HRH1: variants seen among roughly 807,000 people sequenced by gnomAD.
The protein encoded by HRH1 is histamine H1 receptor.
In HRH1, 6 loss-of-function variants were observed where a neutral mutation model predicts 10.3. That is an observed-to-expected ratio of 0.58 (90% CI 0.32 to 1.15). The LOEUF is 1.15. Among genes scored for constraint, HRH1 ranks in the 50% most tolerant of loss-of-function variants. HRH1 has a pLI of 0.05. For synonymous variants in HRH1, 242 were observed against 236.7 expected (o/e 1.02, Z -0.21); for missense variants, 514 against 615.3 (o/e 0.84, Z 1.74).
chr3:11,245,346 T>G (rs1285868938), intron 1 of HRH1, among the ~76,000 whole-genome samples: 2 of 53,116 alleles, frequency 3.8e-5, no homozygotes, highest in East Asian at 2.8e-3. Context: ...GAACGAGACT[T>G]CATCTAAAAA....
At chr3:11,206,701 C>T (rs1449826492) in intron 1 of HRH1, among the ~76,000 whole-genome samples, 1 of 152,208 alleles carries the variant, frequency 6.6e-6, no homozygotes, top group East Asian at 1.9e-4. Flanking sequence ...GCAAGGGGTG[C>T]CCCCGGAAGT....
At chr3:11,243,356 G>A (rs1476450885) in intron 1 of HRH1, among the ~76,000 whole-genome samples, 2 of 152,198 alleles carry the variant, frequency 1.3e-5, no homozygotes, top group Non-Finnish European at 2.9e-5. Flanking sequence ...TCCCCATGGT[G>A]TTGCACTTCA....
chr3:11,142,866 A>T (rs1936319185), intron 1 of HRH1, among the ~76,000 whole-genome samples: 1 of 152,044 alleles, frequency 6.6e-6, no homozygotes, highest in South Asian at 2.1e-4. Flanking sequence ...GTGTGCCAAG[A>T]TCACGCCACT....
At chr3:11,160,754 G>A (rs1236712404) in intron 1 of HRH1, among the ~76,000 whole-genome samples, 1 of 152,178 alleles carries the variant, frequency 6.6e-6, no homozygotes, top group African/African-American at 2.4e-5. Flanking sequence ...TGGAAACCCA[G>A]TCATTGACAG....
Position 11,198,862 on chromosome 3 carries a change from C to T in HRH1, c.-36+44308C>T, listed in dbSNP as rs528430765. ...CTTCATAGATGTGAACTTTTTTGAA[C>T]CCCACACCACCCTGTGTATTGTAAA... is the stretch of plus-strand genomic sequence containing the variant. On this transcript the variant is annotated intron_variant, in intron 1 of 1. Coordinates refer to ENST00000431010, the MANE Select transcript of HRH1 (RefSeq NM_001098212.2). Among the ~76,000 whole-genome samples, 12 of 151,438 alleles carry T rather than the reference C, an allele frequency of 7.9e-5. No individual in the cohort carries two copies. The East Asian group carries it at 2.1e-3, about 27-fold the overall frequency.
intron 1 of HRH1, among the ~76,000 whole-genome samples, chr3:11,148,810 CTTTTTTTTTTTT>C (rs755029776): frequency 1.2e-5 from 1 of 84,418 alleles, no homozygotes; most frequent in Admixed American, 1.3e-4. Flanking sequence ...AAACCACAGT[CTTTTTTTTTTTT>C]TTTTTTTTTT....
chr3:11,191,279 A>G (rs1937525631), intron 1 of HRH1, among the ~76,000 whole-genome samples: 1 of 152,176 alleles, frequency 6.6e-6, no homozygotes, highest in African/African-American at 2.4e-5. Flanking sequence ...ACCTGCAGTG[A>G]ACAGAAGTGG....
intron 1 of HRH1, among the ~76,000 whole-genome samples, chr3:11,177,991 C>A (rs1049183597): frequency 1.3e-5 from 2 of 152,184 alleles, no homozygotes; most frequent in Non-Finnish European, 2.9e-5. Flanking sequence ...AACATGCATG[C>A]AGCCTGCCAT....
In HRH1 at chr3:11,227,180, A is replaced by G. The variant is rs1025635104; in HGVS notation, c.-35-31823A>G. ...ACAGGGGTGACCCCACATGGACATC[A>G]TCTCTGCTCTTCAGTCACCTGTAGT... On this transcript the variant is annotated intron_variant, in intron 1 of 1. Transcript: ENST00000431010. 2.0e-4 allele frequency among the ~76,000 whole-genome samples: 31 copies of G among 152,248 alleles called. 1 individual carries two copies. The highest frequency in any genetic ancestry group is 6.3e-4 in the African/African-American group (26 of 41,542).
At chr3:11,238,214 A>G (rs1204664954) in intron 1 of HRH1, among the ~76,000 whole-genome samples, 9 of 152,204 alleles carry the variant, frequency 5.9e-5, no homozygotes, top group African/African-American at 1.4e-4. Context: ...AAAATGAGAA[A>G]GATCACAGAT....
intron 1 of HRH1, among the ~76,000 whole-genome samples, chr3:11,254,439 T>A (rs1474289088): frequency 6.6e-6 from 1 of 152,230 alleles, no homozygotes; most frequent in Non-Finnish European, 1.5e-5. Flanking sequence ...TGTGTCTTAC[T>A]CACACACTTT....
intron 1 of HRH1, among the ~76,000 whole-genome samples, chr3:11,257,689 G>T (rs564920201): frequency 6.6e-6 from 1 of 151,416 alleles, no homozygotes; most frequent in African/African-American, 2.4e-5. Flanking sequence ...AGTAGCAAAG[G>T]GTTTTCATTT....
At chr3:11,247,647 G>T (rs1408199406) in intron 1 of HRH1, among the ~76,000 whole-genome samples, 1 of 152,104 alleles carries the variant, frequency 6.6e-6, no homozygotes, top group Non-Finnish European at 1.5e-5. Flanking sequence ...AAGGAAGTTG[G>T]TCTAAGAAAC....
At chr3:11,209,171 A>C (rs1191819303) in intron 1 of HRH1, among the ~76,000 whole-genome samples, 1 of 152,214 alleles carries the variant, frequency 6.6e-6, no homozygotes, top group African/African-American at 2.4e-5. Context: ...AGCTCACTGC[A>C]GTCTCAAATA....
At chr3:11,198,748 A>AC (rs1937773057) in intron 1 of HRH1, among the ~76,000 whole-genome samples, 1 of 151,778 alleles carries the variant, frequency 6.6e-6, no homozygotes, top group Non-Finnish European at 1.5e-5. Context: ...AAAAAAAAAA[A>AC]AAAATGGGCG....
At chr3:11,137,898 C>G (rs1936213854) in intron 1 of HRH1, among the ~76,000 whole-genome samples, 1 of 152,052 alleles carries the variant, frequency 6.6e-6, no homozygotes, top group South Asian at 2.1e-4. Flanking sequence ...ACTAAGGTCC[C>G]TACCAGCCCA....
At chr3:11,152,803 G>A (rs1443969525), upstream of HRH1, among the ~76,000 whole-genome samples, 1 of 152,032 alleles carries the variant, frequency 6.6e-6, no homozygotes, top group Non-Finnish European at 1.5e-5. Flanking sequence ...CCAGGGAGTG[G>A]GAGAGGGCTT....
intron 1 of HRH1, among the ~76,000 whole-genome samples, chr3:11,201,678 T>C (rs1937916674): frequency 6.6e-6 from 1 of 152,112 alleles, no homozygotes; most frequent in Non-Finnish European, 1.5e-5. Context: ...GTCTGAAAAT[T>C]CCAGGTGTCA....
At chr3:11,235,104 A>ACT (rs1207695768) in intron 1 of HRH1, among the ~76,000 whole-genome samples, 10 of 152,008 alleles carry the variant, frequency 6.6e-5, no homozygotes, top group African/African-American at 2.2e-4. Context: ...AGTCCCAGCT[A>ACT]CATGGGAGGC....
Sources: allele counts gnomAD v4.1 joint callset (sites outside exome capture counted in the v4.1 genomes callset), GRCh38; gene constraint gnomAD v4.1.1; transcripts MANE v1.5; gene names NCBI Gene and HGNC (gene_info 2026-07-23, HGNC 2026-07-21).